The following ITGA11 variants were observed in gnomAD, a reference collection of about 807,000 sequenced individuals.
ITGA11 encodes the protein integrin alpha-11.
Under a neutral mutation model 141.9 loss-of-function variants are expected in ITGA11, and 97 were observed. The observed-to-expected ratio is 0.68, with a 90% confidence interval of 0.58 to 0.81. ITGA11 has a LOEUF of 0.81. Ranked by LOEUF, ITGA11 falls within the 30% of genes least tolerant of loss-of-function variation. The probability of loss-of-function intolerance (pLI) is 0.00; values close to 1 mark genes in which losing one functional copy is unlikely to be tolerated. For missense variants in ITGA11, 1,387 were observed against 1,559.2 expected (o/e 0.89, Z 1.86); for synonymous variants, 658 against 624.6 (o/e 1.05, Z -0.80).
chr15:68,321,655 CAT>C lies in ITGA11; in HGVS notation c.2323-154_2323-153del, dbSNP rs1893818309. 6.6e-6 allele frequency among the ~76,000 whole-genome samples: 1 copy of C among 152,188 alleles called. No individual in the cohort carries two copies. The highest frequency in any genetic ancestry group is 2.1e-4 in the South Asian group (1 of 4,836). On this transcript the variant is annotated intron_variant, in intron 18 of 29. Transcript: ENST00000315757. This position sits in a 1 kb window ranked among gnomAD's most constrained non-coding sequence, Gnocchi z 4.9. Reference sequence around the variant, plus strand: ...CACACTGCTCTGTCTTGTGCTTTTCCATAGATGCTTCCCTCTTTAAAACGATG... The same window carrying C: ...CACACTGCTCTGTCTTGTGCTTTTCCAGATGCTTCCCTCTTTAAAACGATG...
At chr15:68,381,559 AT>A (rs56208838) in intron 2 of ITGA11, among the ~76,000 whole-genome samples, 114,870 of 146,832 alleles carry the variant, frequency 0.78, 45,023 homozygotes, top group East Asian at 0.99. Flanking sequence ...CAGCATTCCA[AT>A]TTTTTTTTTT....
In ITGA11 at chr15:68,300,092, A is replaced by G. The variant is rs1022785713; in HGVS notation, c.*2967T>C. The G allele has an allele frequency of 1.3e-5, 2 of 152,248 alleles. No individual in the cohort carries two copies. The highest frequency in any genetic ancestry group is 4.8e-5 in the African/African-American group (2 of 41,462). The allele number at this position is 152,248 out of a possible 1,614,324, so 9.4% of individuals were successfully genotyped here. A position where few individuals can be genotyped will look rare whatever the true frequency, so the allele number is the denominator to read the frequency against. ...ATTGAAGATTAGAGAATAGCAGAAT[A>G]TTATAGCTATTATGTAATATTAAAT... On this transcript the variant is annotated 3_prime_UTR_variant, in exon 30 of 30. Coordinates refer to ENST00000315757, the MANE Select transcript of ITGA11 (RefSeq NM_001004439.2).
At chr15:68,310,900 C>T in intron 26 of ITGA11, 94 bp downstream of exon 26, 1 of 919,992 alleles carries the variant, frequency 1.1e-6, no homozygotes, top group Non-Finnish European at 1.7e-6. Context: ...CTCTTATTGG[C>T]AAGCTATTGG....
At chr15:68,310,076 A>G (rs1157292989) in intron 26 of ITGA11, among the ~76,000 whole-genome samples, 2 of 152,196 alleles carry the variant, frequency 1.3e-5, no homozygotes, top group Non-Finnish European at 2.9e-5. Context: ...GATCATATTT[A>G]ACAATCAAAA....
At chr15:68,431,026 G>A (rs1010786000) in intron 1 of ITGA11, among the ~76,000 whole-genome samples, 65 of 152,242 alleles carry the variant, frequency 4.3e-4, no homozygotes, top group Non-Finnish European at 1.5e-4. Flanking sequence ...AGGCAAGGTT[G>A]AGCGCCCACA....
At chr15:68,332,572 C>T (rs980920438) in intron 12 of ITGA11, 94 bp from the exon 13 acceptor site, 2 of 1,428,012 alleles carry the variant, frequency 1.4e-6, no homozygotes, top group Admixed American at 4.7e-5. Context: ...CCAAGGTCAT[C>T]CTTTGACTCA....
intron 11 of ITGA11, among the ~76,000 whole-genome samples, chr15:68,336,411 G>A (rs1434345819): frequency 2.6e-5 from 4 of 152,136 alleles, no homozygotes; most frequent in Non-Finnish European, 5.9e-5. Context: ...CCAAAGCTTT[G>A]CAGACTCAAA....
chr15:68,338,484 C>T (rs967035923), intron 11 of ITGA11, among the ~76,000 whole-genome samples: 11 of 152,194 alleles, frequency 7.2e-5, no homozygotes, highest in Non-Finnish European at 1.3e-4. Flanking sequence ...TTAAATGGAA[C>T]GCAGGCCCTA....
intron 10 of ITGA11, among the ~76,000 whole-genome samples, chr15:68,347,407 G>C (rs1483227549): frequency 1.3e-5 from 2 of 152,214 alleles, no homozygotes; most frequent in Non-Finnish European, 2.9e-5. Flanking sequence ...GAAATGAGGT[G>C]CAGGAATTTC....
chr15:68,345,961 GA>G (rs1894730970), intron 10 of ITGA11, among the ~76,000 whole-genome samples: 1 of 151,438 alleles, frequency 6.6e-6, no homozygotes, highest in African/African-American at 2.5e-5. Context: ...CTGTGCATTT[GA>G]AAGGTTTTTG....
At chr15:68,309,617 C>CA (rs1309423765) in intron 26 of ITGA11, among the ~76,000 whole-genome samples, 5 of 108,792 alleles carry the variant, frequency 4.6e-5, no homozygotes, top group Non-Finnish European at 7.0e-5. Context: ...TTTTTTGAGA[C>CA]AGAGTCTTGC....
chr15:68,425,938 C>G (rs1316337869), intron 1 of ITGA11, among the ~76,000 whole-genome samples: 1 of 152,216 alleles, frequency 6.6e-6, no homozygotes. Context: ...CTAATTCACC[C>G]CACATGCCAC....
rs1595843802 is a variant in ITGA11, at chr15:68,297,471, G to T, written c.*5588C>A. 1 of 120,112 alleles carries T rather than the reference G, an allele frequency of 8.3e-6. No individual in the cohort carries two copies. Among genetic ancestry groups the T allele is most frequent in the Non-Finnish European group, 1.7e-5 (1 of 59,100 alleles). 7.4% of individuals were successfully genotyped at this position (120,112 alleles called of 1,614,324 possible). ...TTTTTTTTATCCAAAAGAAAGCTAT[G>T]TCTGGTTAGGTAAATCATACACCTG... On this transcript the variant is annotated 3_prime_UTR_variant, in exon 30 of 30. Coordinates refer to ENST00000315757, the MANE Select transcript of ITGA11 (RefSeq NM_001004439.2).
In ITGA11 at chr15:68,325,305, G is replaced by T; in HGVS notation, c.2212-64C>A. ...GAACGTCATTTTATGAGCCAGGACC[G>T]TGGATGCTGAGATAGAACTTCCACC... On this transcript the variant is annotated intron_variant, in intron 17 of 29. Coordinates refer to ENST00000315757, the MANE Select transcript of ITGA11 (RefSeq NM_001004439.2). This position sits in a 1 kb window ranked among gnomAD's most constrained non-coding sequence, Gnocchi z 5.5. 8.9e-7 allele frequency: 1 copy of T among 1,125,340 alleles called. No homozygotes were observed. The highest frequency in any genetic ancestry group is 1.7e-5 in the Admixed American group (1 of 57,210). 69.7% of individuals were successfully genotyped at this position (1,125,340 alleles called of 1,614,324 possible).
intron 10 of ITGA11, among the ~76,000 whole-genome samples, chr15:68,348,483 G>C (rs1397188685): frequency 6.6e-6 from 1 of 152,252 alleles, no homozygotes; most frequent in Admixed American, 6.5e-5. Context: ...CGCCTCACAG[G>C]TGAAATTATG....
chr15:68,419,689 G>A (rs1896971203), intron 1 of ITGA11, among the ~76,000 whole-genome samples: 1 of 152,182 alleles, frequency 6.6e-6, no homozygotes, highest in South Asian at 2.1e-4. Flanking sequence ...GAAACATGAA[G>A]GCCAAACATT....
intron 9 of ITGA11, 94 bp downstream of exon 9, chr15:68,350,523 C>T: frequency 8.2e-7 from 1 of 1,226,402 alleles, no homozygotes; most frequent in Non-Finnish European, 1.1e-6. Context: ...TCTTGTTAAG[C>T]CATTTCGTTT....
chr15:68,396,928 T>C lies in ITGA11; in HGVS notation c.164+5990A>G, dbSNP rs1385319499. ...GATTTATTATATATTATTTATTATA[T>C]AATATATAATATATTATATATTATT... On this transcript the variant is annotated intron_variant, in intron 2 of 29. Transcript: ENST00000315757. Among the ~76,000 whole-genome samples the C allele has an allele frequency of 8.5e-5, 3 of 35,192 alleles. 1 individual carries two copies. The highest frequency in any genetic ancestry group is 4.0e-4 in the African/African-American group (3 of 7,542). 23.1% of individuals were successfully genotyped at this position (35,192 alleles called of 152,430 possible).
intron 2 of ITGA11, among the ~76,000 whole-genome samples, chr15:68,389,188 G>A (rs1209135022): frequency 6.6e-6 from 1 of 152,138 alleles, no homozygotes; most frequent in African/African-American, 2.4e-5. Context: ...CACCCCCACA[G>A]CCTCATGCTG....
Sources: gnomAD v4.1 joint callset for allele counts (sites outside exome capture counted in the v4.1 genomes callset) on GRCh38, gnomAD v4.1.1 for gene constraint, Gnocchi (gnomAD v3.1) non-coding constraint, MANE v1.5 for transcripts, NCBI Gene and HGNC (gene_info 2026-07-23, HGNC 2026-07-21) for gene names.